SMG1: variants seen among roughly 807,000 people sequenced by gnomAD.
The protein encoded by SMG1 is SMG1 nonsense mediated mRNA decay associated PI3K related kinase.
In SMG1, 22 loss-of-function variants were observed where a neutral mutation model predicts 419.9. The ratio of observed to expected loss-of-function variants is 0.05; its 90% CI spans 0.04 to 0.07. The LOEUF (loss-of-function observed/expected upper bound fraction) is 0.07. SMG1 is among the 10% of genes least tolerant of loss of function. SMG1 has a pLI of 1.00. For missense variants in SMG1, 3,185 were observed against 4,342.0 expected, an observed-to-expected ratio of 0.73 and a Z score of 7.49; for synonymous variants, 1,538 against 1,553.5, an observed-to-expected ratio of 0.99 and a Z score of 0.23.
At chr16:18,909,242 T>C (rs1310589487) in intron 1 of SMG1, among the ~76,000 whole-genome samples, 2 of 151,968 alleles carry the variant, frequency 1.3e-5, no homozygotes, top group African/African-American at 4.8e-5. Context: ...CTCGGGAGGC[T>C]GAGGCAGGAG....
chr16:18,815,756 T>A, intron 58 of SMG1, 105 bp from the exon 59 acceptor site: 1 of 891,714 alleles, frequency 1.1e-6, no homozygotes, highest in African/African-American at 1.7e-5. Context: ...AATATGAGTG[T>A]GTTTAAACTG....
At position 18,808,317 on chromosome 16, in the gene SMG1, A is replaced by G. The variant is rs1413174175; in HGVS notation, c.*1252T>C. 2 of 152,186 alleles carry G rather than the reference A, an allele frequency of 1.3e-5. No homozygotes were observed. The highest frequency in any genetic ancestry group is 3.8e-4 in the East Asian group (2 of 5,206). 9.4% of individuals were successfully genotyped at this position (152,186 alleles called of 1,614,324 possible). ...TTAATAAAAGATGTTGGTGGATCTC[A>G]TTTTCACTGTTTCATGTACATGTCC... On this transcript the variant is annotated 3_prime_UTR_variant, in exon 63 of 63. Transcript: ENST00000446231.
At chr16:18,809,978 T>A (rs1289610868) in intron 62 of SMG1, among the ~76,000 whole-genome samples, 2 of 151,342 alleles carry the variant, frequency 1.3e-5, no homozygotes, top group African/African-American at 4.9e-5. Flanking sequence ...AAACGGTTTC[T>A]TAAAAAAAAA....
chr16:18,813,253 C>G (rs1390347243), intron 60 of SMG1, among the ~76,000 whole-genome samples: 3 of 152,198 alleles, frequency 2.0e-5, no homozygotes, highest in African/African-American at 7.2e-5. Flanking sequence ...ACACTGACTT[C>G]CACAATGGTT....
chr16:18,819,282 TTTAA>T (rs755823915), intron 56 of SMG1, among the ~76,000 whole-genome samples: 52 of 151,912 alleles, frequency 3.4e-4, no homozygotes, highest in Admixed American at 7.9e-4. Context: ...GCTGAATTTA[TTTAA>T]TTAATATTTA....
At chr16:18,880,530 TAAC>T (rs1407949798) in intron 10 of SMG1, among the ~76,000 whole-genome samples, 1 of 151,908 alleles carries the variant, frequency 6.6e-6, no homozygotes, top group Non-Finnish European at 1.5e-5. Context: ...CATGTCAACA[TAAC>T]AACACCTCAT....
Position 18,885,148 on chromosome 16 carries a change from T to C in SMG1, c.963A>G (p.Ile321Met). ...FSTNFRDTVDILVGWHIDHTQ... is the reference protein window; with the variant it reads ...FSTNFRDTVDMLVGWHIDHTQ... ...TATGATCTATATGCCATCCAACTAA[T>C]ATATCAACTGTATCCTTGATGGAAA... Residue 321 changes from isoleucine to methionine, a missense_variant, in exon 8 of 63, where the codon ATA (isoleucine) becomes ATG (methionine). By Grantham distance (10) the Ile-to-Met change is conservative. Coordinates refer to ENST00000446231, the MANE Select transcript of SMG1 (RefSeq NM_015092.5). The C allele has an allele frequency of 1.0e-6, 1 of 1,003,526 alleles. No individual in the cohort carries two copies. The highest frequency in any genetic ancestry group is 1.5e-6 in the Non-Finnish European group (1 of 667,164). 62.2% of individuals were successfully genotyped at this position (1,003,526 alleles called of 1,614,324 possible).
At chr16:18,835,629 G>A (rs564872523) in intron 48 of SMG1, among the ~76,000 whole-genome samples, 16 of 152,294 alleles carry the variant, frequency 1.1e-4, no homozygotes, top group African/African-American at 3.1e-4. Context: ...CAATTGGCCA[G>A]GCGCAGTGGC....
intron 1 of SMG1, among the ~76,000 whole-genome samples, chr16:18,915,320 C>A (rs2037929026): frequency 6.6e-6 from 1 of 152,086 alleles, no homozygotes; most frequent in Non-Finnish European, 1.5e-5. Flanking sequence ...CACTCCAGTC[C>A]ATTACAATAC....
chr16:18,810,042 G>A (rs557220957), intron 62 of SMG1, among the ~76,000 whole-genome samples: 1 of 151,440 alleles, frequency 6.6e-6, no homozygotes, highest in African/African-American at 2.4e-5. Flanking sequence ...GAATATAATA[G>A]TGTTTAAAAG....
chr16:18,876,461 A>G, intron 12 of SMG1, 68 bp from the exon 13 acceptor site: 2 of 1,475,468 alleles, frequency 1.4e-6, no homozygotes, highest in Non-Finnish European at 1.8e-6. Flanking sequence ...ATGGAAAATA[A>G]ATCACTATCT....
At chr16:18,829,253 G>T (rs1311917632) in intron 54 of SMG1, 33 bp downstream of exon 54, 1 of 1,541,452 alleles carries the variant, frequency 6.5e-7, no homozygotes, top group African/African-American at 1.4e-5. Context: ...TTCCTACCTT[G>T]AGGAAAAACA....
Position 18,820,500 on chromosome 16 carries a change from G to C in SMG1, c.9742-846C>G, listed in dbSNP as rs140556252. Reference sequence around the variant, plus strand: ...ATTATAGGCATGAACCACCATGCCTGGCCAAGTTTATGAACAATGGTAAAA... The same window carrying C: ...ATTATAGGCATGAACCACCATGCCTCGCCAAGTTTATGAACAATGGTAAAA... On this transcript the variant is annotated intron_variant, in intron 55 of 62. Transcript: ENST00000446231. Among the ~76,000 whole-genome samples the C allele has an allele frequency of 7.6e-3, 1,159 of 152,328 alleles. 13 individuals carry two copies. Among genetic ancestry groups the C allele is most frequent in the Non-Finnish European group, 0.01 (709 of 68,036 alleles).
At chr16:18,903,934 C>CTTTTTTTTTTTTTTTTTTTT in intron 1 of SMG1, among the ~76,000 whole-genome samples, 1 of 99,876 alleles carries the variant, frequency 1.0e-5, no homozygotes, top group Non-Finnish European at 1.9e-5. Context: ...TATGTCTTGT[C>CTTTTTTTTTTTTTTTTTTTT]TTTTTTTTTT....
chr16:18,868,196 T>C lies in SMG1; in HGVS notation c.3189A>G (p.Leu1063=), dbSNP rs1229336476. The change falls in exon 22 of 63, where the codon CTA becomes CTG. Residue 1063 remains leucine (L), a synonymous_variant. Coordinates refer to ENST00000446231, the MANE Select transcript of SMG1 (RefSeq NM_015092.5). ...TTCAAACACACCACATTACCTGAGA[T>C]AGGCTGGTTGTTTTCATCTCTGTAA... ...DLLTEMKTTS[L]SQGNELEVTI... is the part of the protein sequence containing the mutation. 2 of 1,577,446 alleles carry C rather than the reference T, an allele frequency of 1.3e-6. No individual in the cohort carries two copies. The highest frequency in any genetic ancestry group is 1.7e-6 in the Non-Finnish European group (2 of 1,169,548).
chr16:18,833,197 GTTTT>G (rs746938010), intron 50 of SMG1, 31 bp from the exon 51 acceptor site: 1 of 1,564,076 alleles, frequency 6.4e-7, no homozygotes, highest in Non-Finnish European at 8.7e-7. Flanking sequence ...AACTTTTAAT[GTTTT>G]TTGAGTTTAG....
chr16:18,890,953 A>C, intron 4 of SMG1, 32 bp from the exon 5 acceptor site: 3 of 998,534 alleles, frequency 3.0e-6, no homozygotes, highest in Non-Finnish European at 4.8e-6. Context: ...TAAAAACTTC[A>C]AATTCCTATA....
At position 18,892,294 on chromosome 16, in the gene SMG1, C is replaced by G; in HGVS notation, c.473G>C (p.Arg158Pro). 1 of 1,550,812 alleles carries G rather than the reference C, an allele frequency of 6.4e-7. No homozygotes were observed. Among genetic ancestry groups the G allele is most frequent in the Non-Finnish European group, 8.7e-7 (1 of 1,146,962 alleles). The change falls in exon 4 of 63, where the codon CGG becomes CCG. Residue 158 changes from arginine to proline, a missense_variant. Coordinates refer to ENST00000446231, the MANE Select transcript of SMG1 (RefSeq NM_015092.5). ...RLSNLLRRITREDDRDRRLAT... is the reference protein window; with the variant it reads ...RLSNLLRRITPEDDRDRRLAT... ...CAATCTTCGGTCTCTGTCGTCTTCC[C>G]GGGTGATCCTCCGAAGAAGATTCGA...
chr16:18,910,553 C>T (rs1268834772), intron 1 of SMG1, among the ~76,000 whole-genome samples: 1 of 151,720 alleles, frequency 6.6e-6, no homozygotes, highest in Non-Finnish European at 1.5e-5. Context: ...TTTGTAGAAA[C>T]GAGGTCTCAC....
Sources: allele counts gnomAD v4.1 joint callset (sites outside exome capture counted in the v4.1 genomes callset), GRCh38; gene constraint gnomAD v4.1.1; transcripts MANE v1.5; gene names NCBI Gene and HGNC (gene_info 2026-07-23, HGNC 2026-07-21).